PCDHGA3: variants seen among roughly 807,000 people sequenced by gnomAD.
PCDHGA3 encodes the protein protocadherin gamma-A3.
A neutral mutation model predicts 58.5 loss-of-function variants in PCDHGA3; 40 were observed. That is an observed-to-expected ratio of 0.68 (90% CI 0.53 to 0.89). The LOEUF is 0.89. PCDHGA3 is among the 40% of genes least tolerant of loss of function. The probability of loss-of-function intolerance (pLI) is 0.00; values close to 1 mark genes in which losing one functional copy is unlikely to be tolerated. For synonymous variants in PCDHGA3, 530 were observed against 525.7 expected (o/e 1.01, Z -0.11); for missense variants, 1,223 against 1,195.9 (o/e 1.02, Z -0.33).
chr5:141,385,102 G>T (rs370391349), intron 1 of PCDHGA3: 1 of 1,614,056 alleles, frequency 6.2e-7, no homozygotes, highest in South Asian at 1.1e-5. Context: ...CTTGGCGAAC[G>T]TGCCCACCTC....
At chr5:141,372,087 C>T in intron 1 of PCDHGA3, 1 of 1,613,740 alleles carries the variant, frequency 6.2e-7, no homozygotes, top group South Asian at 1.1e-5. Context: ...GGTGCTGTAC[C>T]CAGCTCTGGG....
intron 1 of PCDHGA3, among the ~76,000 whole-genome samples, chr5:141,443,726 TAC>T: frequency 6.6e-6 from 1 of 152,262 alleles, no homozygotes; most frequent in Admixed American, 6.5e-5. Flanking sequence ...AAATTCCTCA[TAC>T]ATTTCCCTAT....
intron 1 of PCDHGA3, among the ~76,000 whole-genome samples, chr5:141,387,541 T>C (rs1198504274): frequency 6.6e-6 from 1 of 152,252 alleles, no homozygotes; most frequent in Non-Finnish European, 1.5e-5. Flanking sequence ...CACGTAGTTT[T>C]TGTTCTTTCA....
At position 141,476,827 on chromosome 5, in the gene PCDHGA3, G is replaced by A; in HGVS notation, c.2425-17980G>A. On this transcript the variant is annotated intron_variant, in intron 1 of 3. Transcript: ENST00000253812. The surrounding 1 kb of genome is among the most constrained non-coding windows in gnomAD (Gnocchi z 7.6). ...CTATTCACATCAAGGTGCTGGACGC[G>A]AATGACAATGCGCCTGTCTTCAACC... The A allele has an allele frequency of 1.2e-6, 2 of 1,613,542 alleles. No individual in the cohort carries two copies. Among genetic ancestry groups the A allele is most frequent in the Non-Finnish European group, 1.7e-6 (2 of 1,180,046 alleles).
At chr5:141,355,964 T>A (rs774218837) in intron 1 of PCDHGA3, 1 of 1,613,906 alleles carries the variant, frequency 6.2e-7, no homozygotes, top group East Asian at 2.2e-5. Context: ...CGTGAGAACG[T>A]TCCTGTAGGC....
chr5:141,506,085 G>A lies in PCDHGA3; in HGVS notation c.2572+604G>A, dbSNP rs532931472. Among the ~76,000 whole-genome samples the A allele has an allele frequency of 2.6e-4, 39 of 152,168 alleles. 1 individual carries two copies. In the South Asian group the frequency reaches 2.9e-3, roughly 11 times the overall value. On this transcript the variant is annotated intron_variant, in intron 3 of 3. Coordinates refer to ENST00000253812, the MANE Select transcript of PCDHGA3 (RefSeq NM_018916.4). ...AGGGCTTCCTTTGTAATAGAGATTC[G>A]GCTAGTGGTGGTTGTCCCTGAAGAG...
chr5:141,352,450 G>A, intron 1 of PCDHGA3: 1 of 1,614,036 alleles, frequency 6.2e-7, no homozygotes, highest in Non-Finnish European at 8.5e-7. Context: ...TCTGCTCCAA[G>A]TCTGGGCCCG....
intron 1 of PCDHGA3, chr5:141,383,589 G>A (rs1199547727): frequency 1.2e-6 from 2 of 1,613,716 alleles, no homozygotes; most frequent in Admixed American, 3.3e-5. Context: ...ACATCCAGGT[G>A]ACAGTGGTGG....
Position 141,345,259 on chromosome 5 carries a change from C to G in PCDHGA3, c.1226C>G (p.Ser409Cys). Residue 409 changes from serine (S) to cysteine (C), a missense_variant, in exon 1 of 4, where the codon TCC (serine) becomes TGC (cysteine). By Grantham distance (112) the Ser-to-Cys change is moderately radical. Coordinates refer to ENST00000253812, the MANE Select transcript of PCDHGA3 (RefSeq NM_018916.4). ...DQYYRLVTAT[S>C]LDREQISEYN... Reference sequence around the variant, plus strand: ...TATTACCGCTTAGTGACGGCCACATCCCTGGACCGCGAACAAATATCAGAA... The same window carrying G: ...TATTACCGCTTAGTGACGGCCACATGCCTGGACCGCGAACAAATATCAGAA... 6.2e-7 allele frequency: 1 copy of G among 1,613,932 alleles called. No individual in the cohort carries two copies. Among genetic ancestry groups the G allele is most frequent in the African/African-American group, 1.3e-5 (1 of 75,004 alleles).
At chr5:141,423,557 G>A (rs1365715281) in intron 1 of PCDHGA3, 4 of 1,613,536 alleles carry the variant, frequency 2.5e-6, no homozygotes, top group East Asian at 2.2e-5. Context: ...CCCAACTATG[G>A]GGACACGCTC....
At chr5:141,426,764 T>C (rs1285434687) in intron 1 of PCDHGA3, 5 of 456,638 alleles carry the variant, frequency 1.1e-5, no homozygotes, top group Non-Finnish European at 2.2e-5. Flanking sequence ...TAGATGCAGA[T>C]GTAGGGCCTC....
chr5:141,439,773 C>G (rs1323463060), intron 1 of PCDHGA3: 2 of 152,344 alleles, frequency 1.3e-5, no homozygotes, highest in East Asian at 3.9e-4. Flanking sequence ...TCCTTCTTGG[C>G]TGGAGATTCT....
intron 1 of PCDHGA3, among the ~76,000 whole-genome samples, chr5:141,448,016 G>A (rs903673535): frequency 6.6e-6 from 1 of 152,006 alleles, no homozygotes; most frequent in South Asian, 2.1e-4. Context: ...AACCCAGGAG[G>A]TGGAGGTTGC....
intron 1 of PCDHGA3, among the ~76,000 whole-genome samples, chr5:141,463,641 C>T (rs182957065): frequency 2.0e-5 from 3 of 151,734 alleles, no homozygotes; most frequent in African/African-American, 7.2e-5. Context: ...TTAGTAGAGA[C>T]GGGGTTTCAC....
intron 1 of PCDHGA3, chr5:141,430,693 C>A: frequency 1.4e-6 from 2 of 1,425,428 alleles, no homozygotes; most frequent in Admixed American, 2.6e-5. Context: ...ATTCTATGGG[C>A]GAAGGAACTG....
At position 141,351,054 on chromosome 5, in the gene PCDHGA3, A is replaced by C. The variant is rs777091464; in HGVS notation, c.2424+4597A>C. 13 of 1,613,938 alleles carry C rather than the reference A, an allele frequency of 8.1e-6. No individual in the cohort carries two copies. In the Admixed American group the frequency reaches 8.3e-5, roughly 10 times the overall value. ...TCCGTGCTGCGGGTGATGGCCACAG[A>C]CCAGGATGAGGGCATTAATGCAGAG... On this transcript the variant is annotated intron_variant, in intron 1 of 3. Transcript: ENST00000253812.
intron 1 of PCDHGA3, chr5:141,430,495 T>C: frequency 3.4e-6 from 1 of 293,400 alleles, no homozygotes; most frequent in Non-Finnish European, 6.2e-6. Context: ...GAAATATCCT[T>C]TCTGGGAGTT....
At chr5:141,469,994 C>T (rs948868787) in intron 1 of PCDHGA3, among the ~76,000 whole-genome samples, 2 of 151,830 alleles carry the variant, frequency 1.3e-5, no homozygotes, top group Non-Finnish European at 1.5e-5. Flanking sequence ...AGCTGGTCGT[C>T]GTGGCACGCC....
intron 1 of PCDHGA3, chr5:141,393,628 G>A: frequency 6.2e-7 from 1 of 1,613,922 alleles, no homozygotes; most frequent in African/African-American, 1.3e-5. Context: ...CCGGATGAGG[G>A]AATCAACGGA....
Sources: gnomAD v4.1 joint callset for allele counts (sites outside exome capture counted in the v4.1 genomes callset) on GRCh38, gnomAD v4.1.1 for gene constraint, Gnocchi (gnomAD v3.1) non-coding constraint, MANE v1.5 for transcripts, NCBI Gene and HGNC (gene_info 2026-07-23, HGNC 2026-07-21) for gene names.